GRID2: variants seen among roughly 807,000 people sequenced by gnomAD.
The protein encoded by GRID2 is glutamate receptor ionotropic, delta-2.
GRID2 carries 33 observed loss-of-function variants against 114.8 expected under a neutral mutation model. The ratio of observed to expected loss-of-function variants is 0.29; its 90% CI spans 0.22 to 0.38. The LOEUF is 0.38. GRID2 is among the 10% of genes least tolerant of loss of function. The pLI is 1.00. For synonymous variants in GRID2, 505 were observed against 449.9 expected (o/e 1.12, Z -1.55); for missense variants, 1,184 against 1,257.7 (o/e 0.94, Z 0.89).
chr4:92,676,037 G>A (rs1309833881), intron 2 of GRID2, among the ~76,000 whole-genome samples: 1 of 151,978 alleles, frequency 6.6e-6, no homozygotes, highest in African/African-American at 2.4e-5. Flanking sequence ...ATTCATGGAA[G>A]AGGGGCGAGT....
At chr4:93,727,936 G>A (rs1349421179) in intron 14 of GRID2, among the ~76,000 whole-genome samples, 1 of 152,098 alleles carries the variant, frequency 6.6e-6, no homozygotes, top group Non-Finnish European at 1.5e-5. Context: ...CAAAAAACCA[G>A]CTTCTGGATT....
intron 8 of GRID2, among the ~76,000 whole-genome samples, chr4:93,290,210 GCTAAAGGA>G (rs1753589919): frequency 6.6e-6 from 1 of 152,128 alleles, no homozygotes; most frequent in Non-Finnish European, 1.5e-5. Flanking sequence ...CCTCAATGTA[GCTAAAGGA>G]CTGATACTAA....
chr4:93,141,761 G>A (rs1735788033), intron 4 of GRID2, among the ~76,000 whole-genome samples: 1 of 152,168 alleles, frequency 6.6e-6, no homozygotes, highest in Non-Finnish European at 1.5e-5. Flanking sequence ...GCTTGTGAAA[G>A]CTCCTGTCAT....
chr4:93,356,887 A>C (rs1038101231), intron 8 of GRID2, among the ~76,000 whole-genome samples: 1 of 151,732 alleles, frequency 6.6e-6, no homozygotes, highest in Non-Finnish European at 1.5e-5. Flanking sequence ...TATGACAACA[A>C]ATATGTGTGT....
intron 2 of GRID2, among the ~76,000 whole-genome samples, chr4:92,807,868 T>C (rs1409984800): frequency 6.6e-6 from 1 of 152,026 alleles, no homozygotes; most frequent in Non-Finnish European, 1.5e-5. Flanking sequence ...TCAGCTTAAA[T>C]GAACATTATT....
chr4:92,420,890 G>T (rs1579330555), intron 1 of GRID2, among the ~76,000 whole-genome samples: 1 of 152,016 alleles, frequency 6.6e-6, no homozygotes, highest in Non-Finnish European at 1.5e-5. Flanking sequence ...TTCACGTGTT[G>T]TCCAGGCTGA....
intron 12 of GRID2, among the ~76,000 whole-genome samples, chr4:93,494,774 T>A (rs1727368231): frequency 6.6e-6 from 1 of 151,772 alleles, no homozygotes; most frequent in Non-Finnish European, 1.5e-5. Flanking sequence ...GGTAACAACA[T>A]ATAGTTAATT....
At position 93,791,565 on chromosome 4, in the gene GRID2, GT is replaced by G. The variant is rs1405376186; in HGVS notation, c.222-15146del. 2.0e-5 allele frequency among the ~76,000 whole-genome samples: 3 copies of G among 152,258 alleles called. No individual in the cohort carries two copies. The East Asian group carries it at 5.8e-4, about 29-fold the overall frequency. Reference sequence around the variant, plus strand: ...TTTAAGGAGATTTTCATTTTTAAAGGTTTTATCCACTAAAAATGTGTTTGTT... The same window carrying G: ...TTTAAGGAGATTTTCATTTTTAAAGGTTTATCCACTAAAAATGTGTTTGTT... On this transcript the variant is annotated intron_variant, in intron 1 of 1. Coordinates refer to the GRID2 transcript ENST00000637838.
chr4:93,376,114 C>T (rs1028925286), intron 8 of GRID2, among the ~76,000 whole-genome samples: 1 of 152,120 alleles, frequency 6.6e-6, no homozygotes, highest in Non-Finnish European at 1.5e-5. Flanking sequence ...CTCACTTAAC[C>T]ATAATTATCT....
chr4:92,443,456 G>T (rs1164636109), intron 1 of GRID2, among the ~76,000 whole-genome samples: 1 of 151,314 alleles, frequency 6.6e-6, no homozygotes, highest in East Asian at 2.0e-4. Flanking sequence ...AAGGAAGGAA[G>T]CCTAGAGAAA....
chr4:92,608,801 C>A (rs1729581881), intron 2 of GRID2, among the ~76,000 whole-genome samples: 1 of 151,582 alleles, frequency 6.6e-6, no homozygotes, highest in Admixed American at 6.6e-5. Flanking sequence ...TTACAAGTGG[C>A]CATTGAGGTT....
intron 2 of GRID2, among the ~76,000 whole-genome samples, chr4:92,630,178 G>T (rs62307956): frequency 0.056 from 8,465 of 152,020 alleles, 303 homozygotes; most frequent in East Asian, 0.16. Context: ...TGTTGAACAT[G>T]GTGTAGCCGT....
At chr4:93,248,099 AC>A (rs1748409456) in intron 8 of GRID2, among the ~76,000 whole-genome samples, 1 of 152,076 alleles carries the variant, frequency 6.6e-6, no homozygotes, top group Non-Finnish European at 1.5e-5. Context: ...ACACACACAC[AC>A]ACACCAGTGA....
intron 13 of GRID2, among the ~76,000 whole-genome samples, chr4:93,569,454 C>T (rs1735733396): frequency 6.6e-6 from 1 of 152,156 alleles, no homozygotes. Flanking sequence ...GTGCTACACT[C>T]AGGTCAAAGC....
chr4:93,057,776 C>A (rs77817566), intron 2 of GRID2, among the ~76,000 whole-genome samples: 1 of 151,680 alleles, frequency 6.6e-6, no homozygotes, highest in Non-Finnish European at 1.5e-5. Flanking sequence ...ATGAACAGCA[C>A]CCGCCAGAAT....
intron 2 of GRID2, among the ~76,000 whole-genome samples, chr4:93,058,928 C>A (rs1560836018): frequency 1.3e-5 from 2 of 151,984 alleles, no homozygotes; most frequent in Non-Finnish European, 1.5e-5. Flanking sequence ...TATCAGAATG[C>A]TAGTAATACT....
chr4:92,616,771 ATATAT>A (rs1276069199), intron 2 of GRID2, among the ~76,000 whole-genome samples: 1 of 151,552 alleles, frequency 6.6e-6, no homozygotes, highest in African/African-American at 2.4e-5. Flanking sequence ...TATTTAGATA[ATATAT>A]TATAGCATAT....
intron 8 of GRID2, among the ~76,000 whole-genome samples, chr4:93,242,938 T>A (rs1454642827): frequency 6.6e-6 from 1 of 152,058 alleles, no homozygotes; most frequent in Non-Finnish European, 1.5e-5. Flanking sequence ...TTAGATTACA[T>A]CTACTTTGTC....
intron 13 of GRID2, among the ~76,000 whole-genome samples, chr4:93,595,565 G>A (rs914798842): frequency 2.6e-5 from 4 of 152,214 alleles, no homozygotes; most frequent in African/African-American, 9.6e-5. Flanking sequence ...TGTCAGGGAT[G>A]CAGTAAGAAC....
Sources: gnomAD v4.1 joint callset for allele counts (sites outside exome capture counted in the v4.1 genomes callset) on GRCh38, gnomAD v4.1.1 for gene constraint, MANE v1.5 for transcripts, NCBI Gene and HGNC (gene_info 2026-07-23, HGNC 2026-07-21) for gene names.